TRIM24: variants seen among roughly 807,000 people sequenced by gnomAD.
TRIM24 encodes transcription intermediary factor 1-alpha.
In TRIM24, 29 loss-of-function variants were observed where a neutral mutation model predicts 123.9. The observed-to-expected ratio is 0.23, with a 90% CI of 0.17 to 0.32. TRIM24 has a LOEUF of 0.32. Among genes scored for constraint, TRIM24 ranks in the 10% least tolerant of loss-of-function variants. The pLI, the probability that TRIM24 is intolerant of heterozygous loss-of-function variation, is 1.00. For missense variants in TRIM24, 932 were observed against 1,295.3 expected (o/e 0.72, Z 4.31); for synonymous variants, 456 against 461.1 (o/e 0.99, Z 0.14).
chr7:138,483,970 G>A (rs1370302752), intron 1 of TRIM24, among the ~76,000 whole-genome samples: 2 of 152,120 alleles, frequency 1.3e-5, no homozygotes, highest in African/African-American at 2.4e-5. Context: ...TGGTTAGGCT[G>A]TTCAAAGTCC....
chr7:138,562,265 C>G (rs1169904400), intron 9 of TRIM24, among the ~76,000 whole-genome samples: 1 of 152,056 alleles, frequency 6.6e-6, no homozygotes, highest in Non-Finnish European at 1.5e-5. Context: ...GGAGTCTTGT[C>G]CAGGTGAACT....
rs1797986099 is a variant in TRIM24, at chr7:138,585,089, A to ATTTCC, written c.*141_*145dup. 22 of 635,678 alleles carry ATTTCC rather than the reference A, an allele frequency of 3.5e-5. No homozygotes were observed. In the South Asian group the frequency reaches 6.4e-4, roughly 18 times the overall value. The allele number at this position is 635,678 out of a possible 1,614,324, so 39.4% of individuals were successfully genotyped here. ...TGTTTTGGACGTTTACTAGACTTTG[A>ATTTCC]TTTCCTTAATAGCCCATTTCTGTTA... is the stretch of plus-strand genomic sequence containing the variant. On this transcript the variant is annotated 3_prime_UTR_variant, in exon 19 of 19. Coordinates refer to ENST00000343526, the MANE Select transcript of TRIM24 (RefSeq NM_015905.3).
intron 7 of TRIM24, among the ~76,000 whole-genome samples, chr7:138,539,991 G>A (rs894558489): frequency 3.3e-5 from 5 of 152,026 alleles, no homozygotes; most frequent in South Asian, 2.1e-4. Context: ...TAGTAGAGAC[G>A]GGGTTTCACC....
chr7:138,523,527 G>A (rs544188642), intron 4 of TRIM24, among the ~76,000 whole-genome samples: 11 of 152,074 alleles, frequency 7.2e-5, no homozygotes, highest in African/African-American at 1.4e-4. Flanking sequence ...AGGCCGAGGC[G>A]GGCGGATCAC....
At chr7:138,545,948 G>A (rs1158948393) in intron 7 of TRIM24, among the ~76,000 whole-genome samples, 9 of 152,116 alleles carry the variant, frequency 5.9e-5, no homozygotes, top group Middle Eastern at 3.2e-3. Flanking sequence ...GATTATTTGG[G>A]GGAGAAGTTG....
chr7:138,544,657 G>T lies in TRIM24; in HGVS notation c.1143+5854G>T, dbSNP rs10248731. Among the ~76,000 whole-genome samples the T allele has an allele frequency of 3.9e-5, 6 of 152,200 alleles. No homozygotes were observed. In the East Asian group the frequency reaches 1.2e-3, roughly 29 times the overall value. On this transcript the variant is annotated intron_variant, in intron 7 of 18. Coordinates refer to ENST00000343526, the MANE Select transcript of TRIM24 (RefSeq NM_015905.3). The stretch of plus-strand genomic sequence containing the variant: ...AGTGTACAAAGGGTTCCTTTTATCC[G>T]CACCCTGGCCAACACTTGTCTTCCT...
rs1797643709 is a variant in TRIM24 at position 138,571,011 on chromosome 7, GAC to G, written c.1878+12_1878+13del. 2 of 1,613,452 alleles carry G rather than the reference GAC, an allele frequency of 1.2e-6. No homozygotes were observed. The highest frequency in any genetic ancestry group is 1.3e-5 in the African/African-American group (1 of 74,874). On this transcript the variant is annotated intron_variant, in intron 11 of 18. Coordinates refer to ENST00000343526, the MANE Select transcript of TRIM24 (RefSeq NM_015905.3). ...CTTCCCTCTCTTCCGGATGTAAGTA[GAC>G]ACAAAATTTATACTAGCCTCTGTTG...
At chr7:138,514,275 T>G (rs1171904624) in intron 2 of TRIM24, 1 of 152,292 alleles carries the variant, frequency 6.6e-6, no homozygotes, top group Non-Finnish European at 1.5e-5. Flanking sequence ...TAGCTTGTCA[T>G]TATACAGAAA....
chr7:138,585,074 G>A lies in TRIM24; in HGVS notation c.*123G>A, dbSNP rs1044177339. On this transcript the variant is annotated 3_prime_UTR_variant, in exon 19 of 19. Coordinates refer to ENST00000343526, the MANE Select transcript of TRIM24 (RefSeq NM_015905.3). The stretch of plus-strand genomic sequence containing the variant: ...GACTATTCTCATCTCTGTTTTGGAC[G>A]TTTACTAGACTTTGATTTCCTTAAT... The A allele has an allele frequency of 3.7e-5, 29 of 789,962 alleles. No individual in the cohort carries two copies. The South Asian group carries it at 5.5e-4, about 15-fold the overall frequency. The allele number at this position is 789,962 out of a possible 1,614,324, so 48.9% of individuals were successfully genotyped here. A position where few individuals can be genotyped will look rare whatever the true frequency, so the allele number is the denominator to read the frequency against.
chr7:138,508,779 T>C (rs1053034333), intron 2 of TRIM24, among the ~76,000 whole-genome samples: 2 of 151,558 alleles, frequency 1.3e-5, no homozygotes, highest in Non-Finnish European at 2.9e-5. Context: ...GTCATTGCTG[T>C]CTCCCTTGCT....
chr7:138,464,067 T>C (rs1215676594), intron 1 of TRIM24, among the ~76,000 whole-genome samples: 1 of 140,980 alleles, frequency 7.1e-6, no homozygotes, highest in Non-Finnish European at 1.5e-5. Flanking sequence ...CGATCTCGGC[T>C]CACTGCTAGC....
In TRIM24 at chr7:138,579,346, G is replaced by C. The variant is rs754901706; in HGVS notation, c.2399G>C (p.Gly800Ala). The C allele has an allele frequency of 6.2e-7, 1 of 1,614,136 alleles. No individual in the cohort carries two copies. The highest frequency in any genetic ancestry group is 1.3e-5 in the African/African-American group (1 of 75,018). ...PGLHQDNSSN[G>A]KSEWLDPSQK... ...CTTCACCAGGACAATTCCTCAAATG[G>C]AAAGTCTGAATGGTTGGATCCTTCC... The change falls in exon 15 of 19, where the codon GGA becomes GCA. Residue 800 changes from glycine (G) to alanine (A), a missense_variant. Physicochemically the swap from Gly to Ala is moderately conservative, Grantham distance 60. Around this residue, in one of 7 missense-constraint regions of TRIM24, gnomAD observed 527 missense variants for 691.3 expected, o/e 0.76. Coordinates refer to ENST00000343526, the MANE Select transcript of TRIM24 (RefSeq NM_015905.3).
chr7:138,499,152 A>G lies in TRIM24; in HGVS notation c.365-5138A>G, dbSNP rs1415970634. ...TTCAGAAGCTCTGTTAATTAGATGCATATGCATTTAGGATTCTGTCTTGAT... is the reference window on the plus strand; with the variant it reads ...TTCAGAAGCTCTGTTAATTAGATGCGTATGCATTTAGGATTCTGTCTTGAT... On this transcript the variant is annotated intron_variant, in intron 1 of 18. Transcript: ENST00000343526. Among the ~76,000 whole-genome samples the G allele has an allele frequency of 2.6e-5, 4 of 152,132 alleles. No homozygotes were observed. In the South Asian group the frequency reaches 8.3e-4, roughly 32 times the overall value.
intron 9 of TRIM24, among the ~76,000 whole-genome samples, chr7:138,565,694 A>G (rs1218933039): frequency 6.6e-6 from 1 of 152,214 alleles, no homozygotes; most frequent in Non-Finnish European, 1.5e-5. Flanking sequence ...TTCACATCCA[A>G]AGGCTAGGCC....
chr7:138,525,879 T>C (rs1459666657), intron 5 of TRIM24, among the ~76,000 whole-genome samples: 1 of 152,230 alleles, frequency 6.6e-6, no homozygotes, highest in Non-Finnish European at 1.5e-5. Flanking sequence ...TTACTTGTTA[T>C]GCCTTTTGCC....
At chr7:138,537,379 G>GTTTTTTTTTTTTTTTTTTTTTTTT (rs71177994) in intron 6 of TRIM24, among the ~76,000 whole-genome samples, 1 of 56,642 alleles carries the variant, frequency 1.8e-5, no homozygotes. Flanking sequence ...ACCCCTGTTT[G>GTTTTTTTTTTTTTTTTTTTTTTTT]TTTTTTTTTT....
At position 138,567,618 on chromosome 7, in the gene TRIM24, A is replaced by G; in HGVS notation, c.1668A>G (p.Leu556=). ...GACAAGCAATAAAGCCAAACCCCCT[A>G]CAGATGGCTTTCTTGGCTCAACAAG... ...IPRQAIKPNP[L]QMAFLAQQAI... Residue 556 remains leucine (L), a synonymous_variant, in exon 10 of 19, where the codon CTA becomes CTG. Coordinates refer to ENST00000343526, the MANE Select transcript of TRIM24 (RefSeq NM_015905.3). 1.9e-6 allele frequency: 3 copies of G among 1,613,028 alleles called. No individual in the cohort carries two copies. Among genetic ancestry groups the G allele is most frequent in the Non-Finnish European group, 2.5e-6 (3 of 1,179,616 alleles).
chr7:138,483,544 A>T (rs1436034217), intron 1 of TRIM24, among the ~76,000 whole-genome samples: 2 of 152,256 alleles, frequency 1.3e-5, no homozygotes, highest in African/African-American at 4.8e-5. Flanking sequence ...TTTTATAAGC[A>T]TATAGATATT....
chr7:138,566,471 G>A (rs534098737), intron 9 of TRIM24, among the ~76,000 whole-genome samples: 79 of 152,088 alleles, frequency 5.2e-4, no homozygotes, highest in Admixed American at 1.5e-3. Flanking sequence ...AGCCAAGATC[G>A]GAACAAGACT....
Sources: allele counts gnomAD v4.1 joint callset (sites outside exome capture counted in the v4.1 genomes callset), GRCh38; gene constraint gnomAD v4.1.1; regional missense constraint gnomAD v4.1.1; transcripts MANE v1.5; gene names NCBI Gene and HGNC (gene_info 2026-07-23, HGNC 2026-07-21).